The following GCNT4 variants were observed in gnomAD, a reference collection of about 807,000 sequenced individuals.
GCNT4 encodes the protein beta-1,3-galactosyl-O-glycosyl-glycoprotein beta-1,6-N-acetylglucosaminyltransferase 4.
GCNT4 carries 17 observed loss-of-function variants against 31.3 expected under a neutral mutation model. The observed-to-expected ratio is 0.54, with a 90% CI of 0.37 to 0.81. The LOEUF is 0.81. Ranked by LOEUF, GCNT4 falls within the 40% of genes least tolerant of loss-of-function variation. The pLI is 0.00. For synonymous variants in GCNT4, 158 were observed against 190.6 expected, an observed-to-expected ratio of 0.83 and a Z score of 1.41; for missense variants, 503 against 525.5, an observed-to-expected ratio of 0.96 and a Z score of 0.42.
intron 2 of GCNT4, among the ~76,000 whole-genome samples, chr5:75,050,386 C>T (rs934375597): frequency 3.9e-5 from 6 of 152,138 alleles, no homozygotes; most frequent in African/African-American, 7.2e-5. Context: ...CTCGCTCCAT[C>T]GCATTCACAT....
At chr5:75,045,397 T>C (rs1241811871) in intron 3 of GCNT4, among the ~76,000 whole-genome samples, 1 of 152,234 alleles carries the variant, frequency 6.6e-6, no homozygotes, top group Non-Finnish European at 1.5e-5. Flanking sequence ...GTCCAATATT[T>C]GACTGGCCTA....
chr5:75,029,936 C>T lies in GCNT4; in HGVS notation c.102G>A (p.Val34=). 3.7e-6 allele frequency: 6 copies of T among 1,614,090 alleles called. No homozygotes were observed. Among genetic ancestry groups the T allele is most frequent in the African/African-American group, 1.3e-5 (1 of 75,030 alleles). ...WLLSLLKLLN[V]RRLFPQKDIY... ...TGTCTTTTTGCGGAAAGAGTCGTCTCACATTTAGAAGCTTTAACAAAGAGA... is the reference window on the plus strand; with the variant it reads ...TGTCTTTTTGCGGAAAGAGTCGTCTTACATTTAGAAGCTTTAACAAAGAGA... The change falls in exon 4 of 4, where the codon GTG becomes GTA. Residue 34 remains valine (V), a synonymous_variant. Transcript: ENST00000652361.
chr5:75,022,630 C>T (rs926354783), downstream of GCNT4, among the ~76,000 whole-genome samples: 26 of 152,294 alleles, frequency 1.7e-4, no homozygotes, highest in African/African-American at 6.3e-4. Flanking sequence ...CCAGATGATT[C>T]TGATGCAGAC....
chr5:75,034,980 A>G (rs1183717528), intron 3 of GCNT4, among the ~76,000 whole-genome samples: 1 of 105,330 alleles, frequency 9.5e-6, no homozygotes, highest in African/African-American at 3.9e-5. Context: ...ACCCCAGCTA[A>G]GCGGACACGA....
chr5:75,043,652 C>A (rs747179332), intron 3 of GCNT4, among the ~76,000 whole-genome samples: 1 of 152,132 alleles, frequency 6.6e-6, no homozygotes, highest in Non-Finnish European at 1.5e-5. Context: ...GAGACCTCAG[C>A]CCCCGTATCC....
intron 2 of GCNT4, among the ~76,000 whole-genome samples, chr5:75,051,547 G>A (rs1743568709): frequency 6.6e-6 from 1 of 152,178 alleles, no homozygotes; most frequent in Non-Finnish European, 1.5e-5. Flanking sequence ...GGATGAGGCA[G>A]AAACAGCACC....
upstream of GCNT4, chr5:75,052,647 C>A (rs910073775): frequency 6.6e-6 from 1 of 152,126 alleles, no homozygotes; most frequent in Non-Finnish European, 1.5e-5. Context: ...GCTTCCGCCC[C>A]CAAAGAACAA....
At chr5:75,040,753 A>G (rs2149968106) in intron 3 of GCNT4, among the ~76,000 whole-genome samples, 1 of 152,274 alleles carries the variant, frequency 6.6e-6, no homozygotes, top group South Asian at 2.1e-4. Context: ...AGTTGGTTTT[A>G]TTTTTCTAAA....
intron 3 of GCNT4, among the ~76,000 whole-genome samples, chr5:75,034,122 C>T (rs1198214360): frequency 7.9e-5 from 12 of 152,190 alleles, no homozygotes; most frequent in African/African-American, 2.7e-4. Context: ...TCTGTCAAAT[C>T]CTAAAAGGGG....
chr5:75,022,930 T>TA (rs1742898535), downstream of GCNT4, among the ~76,000 whole-genome samples: 1 of 152,204 alleles, frequency 6.6e-6, no homozygotes, highest in African/African-American at 2.4e-5. Flanking sequence ...GAAGGCAAGC[T>TA]AGGTAAATTA....
At chr5:75,031,076 TC>T (rs1439342914) in intron 3 of GCNT4, among the ~76,000 whole-genome samples, 5 of 148,822 alleles carry the variant, frequency 3.4e-5, no homozygotes, top group African/African-American at 1.3e-4. Context: ...AAACTTTTTC[TC>T]TCTTTTTTTT....
At chr5:75,031,079 C>CTT (rs573067505) in intron 3 of GCNT4, among the ~76,000 whole-genome samples, 5 of 145,384 alleles carry the variant, frequency 3.4e-5, no homozygotes, top group African/African-American at 1.0e-4. Context: ...CTTTTTCTCT[C>CTT]TTTTTTTTTT....
At position 75,048,012 on chromosome 5, in the gene GCNT4, G is replaced by A. The variant is rs1166317621; in HGVS notation, c.-117C>T. 1 of 152,184 alleles carries A rather than the reference G, an allele frequency of 6.6e-6. No homozygotes were observed. Among genetic ancestry groups the A allele is most frequent in the Non-Finnish European group, 1.5e-5 (1 of 68,050 alleles). 9.4% of individuals were successfully genotyped at this position (152,184 alleles called of 1,614,324 possible). Reference sequence around the variant, plus strand: ...AGATGGCTGTACTGGGACAGTGACCGAGGATGTAGTTCTAGAACATGGGCC... The same window carrying A: ...AGATGGCTGTACTGGGACAGTGACCAAGGATGTAGTTCTAGAACATGGGCC... On this transcript the variant is annotated 5_prime_UTR_variant, in exon 3 of 4. Coordinates refer to ENST00000652361, the MANE Select transcript of GCNT4 (RefSeq NM_001366737.1).
At chr5:75,042,571 C>T (rs1289149143) in intron 3 of GCNT4, among the ~76,000 whole-genome samples, 2 of 152,176 alleles carry the variant, frequency 1.3e-5, no homozygotes, top group African/African-American at 4.8e-5. Flanking sequence ...GATAAACAGA[C>T]ATGAATCAAG....
the GCNT4 span, among the ~76,000 whole-genome samples, chr5:75,018,116 C>T: frequency 7.9e-5 from 12 of 152,148 alleles, no homozygotes; most frequent in African/African-American, 2.7e-4. Context: ...CCAAGATGAT[C>T]CTCCTATCTC....
intron 2 of GCNT4, among the ~76,000 whole-genome samples, chr5:75,050,069 T>C (rs1404987417): frequency 6.6e-6 from 1 of 152,160 alleles, no homozygotes; most frequent in African/African-American, 2.4e-5. Context: ...GACAGGAATG[T>C]CAGGAAGCTT....
At chr5:75,046,792 C>T (rs776314575) in intron 3 of GCNT4, among the ~76,000 whole-genome samples, 1 of 152,202 alleles carries the variant, frequency 6.6e-6, no homozygotes, top group Admixed American at 6.5e-5. Flanking sequence ...AAATAGGCCA[C>T]TCCAAAATAC....
At chr5:75,036,910 TA>T (rs1223131802) in intron 3 of GCNT4, among the ~76,000 whole-genome samples, 1 of 152,270 alleles carries the variant, frequency 6.6e-6, no homozygotes, top group Non-Finnish European at 1.5e-5. Context: ...AGAGAATTGC[TA>T]ATTGTTTTAG....
chr5:75,049,546 C>T (rs543630728), intron 2 of GCNT4, among the ~76,000 whole-genome samples: 195 of 152,216 alleles, frequency 1.3e-3, no homozygotes, highest in African/African-American at 4.5e-3. Context: ...CTTTAGATCC[C>T]ACTAGGAAAA....
Sources: allele counts gnomAD v4.1 joint callset (sites outside exome capture counted in the v4.1 genomes callset), GRCh38; gene constraint gnomAD v4.1.1; transcripts MANE v1.5; gene names NCBI Gene and HGNC (gene_info 2026-07-23, HGNC 2026-07-21).